THRAP3: variants seen among roughly 807,000 people sequenced by gnomAD.
The protein encoded by THRAP3 is thyroid hormone receptor-associated protein 3.
Under a neutral mutation model 101.0 loss-of-function variants are expected in THRAP3, and 16 were observed. That is an observed-to-expected ratio of 0.16 (90% CI 0.11 to 0.24). The LOEUF (loss-of-function observed/expected upper bound fraction) is 0.24, where lower values mean the gene tolerates loss of function less well. Ranked by LOEUF, THRAP3 falls within the 10% of genes least tolerant of loss-of-function variation. THRAP3 has a pLI of 1.00. For synonymous variants in THRAP3, 407 were observed against 422.6 expected, an observed-to-expected ratio of 0.96 and a Z score of 0.45; for missense variants, 989 against 1,202.7, an observed-to-expected ratio of 0.82 and a Z score of 2.63.
At chr1:36,207,874 C>T in the THRAP3 span, among the ~76,000 whole-genome samples, 2 of 152,100 alleles carry the variant, frequency 1.3e-5, no homozygotes, top group Non-Finnish European at 2.9e-5. Context: ...CTCACTGCAA[C>T]CTCAGCCTCC....
chr1:36,217,943 C>G, the THRAP3 span, among the ~76,000 whole-genome samples: 1 of 152,158 alleles, frequency 6.6e-6, no homozygotes, highest in African/African-American at 2.4e-5. Context: ...CTGTTCATGT[C>G]TCTCACTTTA....
At chr1:36,215,320 C>T in the THRAP3 span, among the ~76,000 whole-genome samples, 13 of 152,274 alleles carry the variant, frequency 8.5e-5, no homozygotes, top group Middle Eastern at 3.4e-3. Context: ...CAGTGGGATC[C>T]GGCTCCTTAG....
chr1:36,216,349 G>A, the THRAP3 span, among the ~76,000 whole-genome samples: 6 of 151,750 alleles, frequency 4.0e-5, no homozygotes, highest in Middle Eastern at 3.4e-3. Flanking sequence ...GTGAAACCCC[G>A]TCTGTACTAA....
Position 36,304,896 on chromosome 1 carries a change from A to C in THRAP3, c.*879A>C. 1.5e-5 allele frequency: 3 copies of C among 206,720 alleles called. No homozygotes were observed. Among genetic ancestry groups the C allele is most frequent in the Non-Finnish European group, 3.0e-5 (3 of 101,064 alleles). The allele number at this position is 206,720 out of a possible 1,614,324, so 12.8% of individuals were successfully genotyped here. A position where few individuals can be genotyped will look rare whatever the true frequency, so the allele number is the denominator to read the frequency against. On this transcript the variant is annotated 3_prime_UTR_variant, in exon 12 of 12. Coordinates refer to ENST00000354618, the MANE Select transcript of THRAP3 (RefSeq NM_005119.4). ...TCTATTATCTTTACAAATATGAGAA[A>C]ATTTTTTCAATATTTTTTATTAATC...
Position 36,286,347 on chromosome 1 carries a change from T to G in THRAP3, c.138-21T>G, listed in dbSNP as rs377131077. 1 of 1,545,516 alleles carries G rather than the reference T, an allele frequency of 6.5e-7. No individual in the cohort carries two copies. Among genetic ancestry groups the G allele is most frequent in the Non-Finnish European group, 8.7e-7 (1 of 1,148,914 alleles). Reference sequence around the variant, plus strand: ...CTTGTGTCAAAAATTCAAACATTTGTCTCTTTCCTTTCCATTCCAGTTCTA... The same window carrying G: ...CTTGTGTCAAAAATTCAAACATTTGGCTCTTTCCTTTCCATTCCAGTTCTA... On this transcript the variant is annotated intron_variant, in intron 3 of 11. Transcript: ENST00000354618. The surrounding 1 kb of genome is among the most constrained non-coding windows in gnomAD (Gnocchi z 5.5).
chr1:36,210,177 T>C, the THRAP3 span, among the ~76,000 whole-genome samples: 2 of 150,780 alleles, frequency 1.3e-5, no homozygotes, highest in African/African-American at 2.4e-5. Flanking sequence ...CCATCCTGGC[T>C]AACACAGTGA....
Position 36,289,435 on chromosome 1 carries a change from G to C in THRAP3, c.1416G>C (p.Glu472Asp). The stretch of plus-strand genomic sequence containing the variant: ...AGGAGGAGAAGTCAGGCAAATGGGA[G>C]GGCCTGGTATATGCACCTCCAGGGA... Reference protein sequence around the residue: ...NQEEEKSGKWEGLVYAPPGKE... With the variant: ...NQEEEKSGKWDGLVYAPPGKE... Residue 472 changes from glutamate to aspartate, a missense_variant, in exon 5 of 12, where the codon GAG (glutamate) becomes GAC (aspartate). Coordinates refer to ENST00000354618, the MANE Select transcript of THRAP3 (RefSeq NM_005119.4). 6.2e-7 allele frequency: 1 copy of C among 1,614,210 alleles called. No homozygotes were observed. Among genetic ancestry groups the C allele is most frequent in the Non-Finnish European group, 8.5e-7 (1 of 1,180,030 alleles).
rs1645831472 is a variant in THRAP3, at chr1:36,289,086, A to G, written c.1067A>G (p.Asn356Ser). ...TATCTAGAAGAGCAGAAGACAGAGAATGGAAAAGATAAGGAACAGAAACAA... is the reference window on the plus strand; with the variant it reads ...TATCTAGAAGAGCAGAAGACAGAGAGTGGAAAAGATAAGGAACAGAAACAA... ...KRYLEEQKTE[N>S]GKDKEQKQTN... The change falls in exon 5 of 12, where the codon AAT (asparagine) becomes AGT (serine). Residue 356 changes from asparagine (N) to serine (S), a missense_variant. Coordinates refer to ENST00000354618, the MANE Select transcript of THRAP3 (RefSeq NM_005119.4). The G allele has an allele frequency of 3.1e-6, 5 of 1,595,158 alleles. No homozygotes were observed. The highest frequency in any genetic ancestry group is 1.4e-5 in the African/African-American group (1 of 73,356).
chr1:36,269,993 C>T (rs1233657587), intron 2 of THRAP3, among the ~76,000 whole-genome samples: 1 of 152,154 alleles, frequency 6.6e-6, no homozygotes, highest in Non-Finnish European at 1.5e-5. Context: ...ATACAGTCTG[C>T]CTGCAGAGTA....
chr1:36,277,492 G>T (rs147721196), intron 2 of THRAP3, among the ~76,000 whole-genome samples: 1 of 151,348 alleles, frequency 6.6e-6, no homozygotes, highest in African/African-American at 2.4e-5. Context: ...GAACCACCAC[G>T]CCTGGCTCAC....
Position 36,289,095 on chromosome 1 carries a change from A to G in THRAP3, c.1076A>G (p.Asp359Gly), listed in dbSNP as rs1414924769. The change falls in exon 5 of 12, where the codon GAT becomes GGT. Residue 359 changes from aspartate to glycine, a missense_variant. Transcript: ENST00000354618. ...LEEQKTENGK[D>G]KEQKQTNTDK... ...GAGCAGAAGACAGAGAATGGAAAAG[A>G]TAAGGAACAGAAACAAACAAATACC... is the stretch of plus-strand genomic sequence containing the variant. 6.2e-7 allele frequency: 1 copy of G among 1,601,856 alleles called. No homozygotes were observed. Among genetic ancestry groups the G allele is most frequent in the Non-Finnish European group, 8.5e-7 (1 of 1,176,476 alleles).
At position 36,304,139 on chromosome 1, in the gene THRAP3, G is replaced by A. The variant is rs770659174; in HGVS notation, c.*122G>A. 95 of 1,386,674 alleles carry A rather than the reference G, an allele frequency of 6.9e-5. No homozygotes were observed. Among genetic ancestry groups the A allele is most frequent in the Middle Eastern group, 2.7e-4 (1 of 3,770 alleles). 85.9% of individuals were successfully genotyped at this position (1,386,674 alleles called of 1,614,324 possible). Reference sequence around the variant, plus strand: ...ATCCTACCCCCACCCCCCACCAGCCGCACAGATTGTACTACCGCGAGAGGC... The same window carrying A: ...ATCCTACCCCCACCCCCCACCAGCCACACAGATTGTACTACCGCGAGAGGC... On this transcript the variant is annotated 3_prime_UTR_variant, in exon 12 of 12. Coordinates refer to ENST00000354618, the MANE Select transcript of THRAP3 (RefSeq NM_005119.4).
At position 36,283,983 on chromosome 1, in the gene THRAP3, C is replaced by T. The variant is rs182933730; in HGVS notation, c.137+1283C>T. 1.8e-4 allele frequency among the ~76,000 whole-genome samples: 27 copies of T among 152,256 alleles called. 1 individual carries two copies. The highest frequency in any genetic ancestry group is 1.8e-3 in the Admixed American group (27 of 15,294). On this transcript the variant is annotated intron_variant, in intron 3 of 11. Coordinates refer to ENST00000354618, the MANE Select transcript of THRAP3 (RefSeq NM_005119.4). ...TTTTAAAGCCATGGGACCAGCAAGA[C>T]TCTTAGTAACTCCTACCCTGTACCC...
intron 1 of THRAP3, among the ~76,000 whole-genome samples, chr1:36,237,940 G>C (rs1253822678): frequency 2.0e-5 from 3 of 152,144 alleles, no homozygotes; most frequent in Admixed American, 6.6e-5. Flanking sequence ...TCCTACATCA[G>C]ACTCCTGAGT....
chr1:36,259,338 A>G, intron 1 of THRAP3, 44 bp from the exon 2 acceptor site: 2 of 398,476 alleles, frequency 5.0e-6, no homozygotes, highest in Non-Finnish European at 8.9e-6. Context: ...CAGAATCTGC[A>G]TTTGGGTAGC....
chr1:36,295,422 G>T (rs2124630107), intron 8 of THRAP3, among the ~76,000 whole-genome samples: 1 of 152,010 alleles, frequency 6.6e-6, no homozygotes. Flanking sequence ...ATGCACCTTT[G>T]CCCCACCGAG....
chr1:36,300,855 A>G, intron 9 of THRAP3, 31 bp from the exon 10 acceptor site: 1 of 1,610,228 alleles, frequency 6.2e-7, no homozygotes, highest in Non-Finnish European at 8.5e-7. Flanking sequence ...TAGAAAGATG[A>G]TTGATCACCC....
At chr1:36,302,204 A>G (rs774013827) in intron 11 of THRAP3, among the ~76,000 whole-genome samples, 1 of 152,214 alleles carries the variant, frequency 6.6e-6, no homozygotes, top group African/African-American at 2.4e-5. Flanking sequence ...TAATACTTTT[A>G]TAGGCTGAAG....
rs796830019 is a variant in THRAP3 at position 36,241,596 on chromosome 1, T to C, written c.-135+17091T>C. On this transcript the variant is annotated intron_variant, in intron 1 of 11. Coordinates refer to ENST00000354618, the MANE Select transcript of THRAP3 (RefSeq NM_005119.4). ...GCTAAAATTTTTTTTTTTTTTTTTT[T>C]CAGACAGAGTCTTGCTCTGTTGCCC... is the stretch of plus-strand genomic sequence containing the variant. Among the ~76,000 whole-genome samples, 212 of 149,076 alleles carry C rather than the reference T, an allele frequency of 1.4e-3. 1 individual carries two copies. Among genetic ancestry groups the C allele is most frequent in the African/African-American group, 5.0e-3 (200 of 39,652 alleles).
Sources: allele counts gnomAD v4.1 joint callset (sites outside exome capture counted in the v4.1 genomes callset), GRCh38; gene constraint gnomAD v4.1.1; non-coding constraint Gnocchi (gnomAD v3.1); transcripts MANE v1.5; gene names NCBI Gene and HGNC (gene_info 2026-07-23, HGNC 2026-07-21).